The following TOP3A variants were observed in gnomAD, a reference collection of about 807,000 sequenced individuals.
The protein encoded by TOP3A is DNA topoisomerase 3-alpha.
A neutral mutation model predicts 111.3 loss-of-function variants in TOP3A; 64 were observed. That is an observed-to-expected ratio of 0.57 (90% CI 0.47 to 0.71). TOP3A has a LOEUF of 0.71. Among genes scored for constraint, TOP3A ranks in the 30% least tolerant of loss-of-function variants. The probability of loss-of-function intolerance (pLI) is 0.00; values close to 1 mark genes in which losing one functional copy is unlikely to be tolerated. For synonymous variants in TOP3A, 484 were observed against 485.1 expected (o/e 1.00, Z 0.03); for missense variants, 1,104 against 1,285.0 (o/e 0.86, Z 2.15).
chr17:18,314,975 T>G lies in TOP3A; in HGVS notation c.-197A>C. 5.2e-6 allele frequency: 1 copy of G among 193,336 alleles called. No individual in the cohort carries two copies. Among genetic ancestry groups the G allele is most frequent in the Non-Finnish European group, 1.1e-5 (1 of 93,258 alleles). 12.0% of individuals were successfully genotyped at this position (193,336 alleles called of 1,614,324 possible). ...GCCGCCGCCTCAGCACCGAATCCAG[T>G]ATCTTGGCGTGGAACTTCCGCCCGC... On this transcript the variant is annotated 5_prime_UTR_variant, in exon 1 of 19. Transcript: ENST00000321105.
chr17:18,310,419 C>T (rs1412903804), intron 1 of TOP3A, among the ~76,000 whole-genome samples: 1 of 151,966 alleles, frequency 6.6e-6, no homozygotes, highest in African/African-American at 2.4e-5. Flanking sequence ...GTGAGAGAGA[C>T]TCCTTCTCAA....
chr17:18,279,083 G>A (rs1979588357), intron 17 of TOP3A, among the ~76,000 whole-genome samples: 1 of 152,212 alleles, frequency 6.6e-6, no homozygotes, highest in African/African-American at 2.4e-5. Flanking sequence ...CAGGCTGACT[G>A]CAGAAGCAGA....
rs1301508954 is a variant in TOP3A, at chr17:18,288,149, A to ATAT, written c.1597+2407_1597+2408insATA. ...TTAATAATTATATATATATATATAT[A>ATAT]AATTTTTTTTTTTTTTTTTTTTAGA... On this transcript the variant is annotated intron_variant, in intron 13 of 18. Coordinates refer to ENST00000321105, the MANE Select transcript of TOP3A (RefSeq NM_004618.5). 2.9e-3 allele frequency among the ~76,000 whole-genome samples: 351 copies of ATAT among 121,876 alleles called. 1 individual carries two copies. The highest frequency in any genetic ancestry group is 8.5e-3 in the African/African-American group (251 of 29,656). 80.0% of individuals were successfully genotyped at this position (121,876 alleles called of 152,430 possible). A position where few individuals can be genotyped will look rare whatever the true frequency, so the allele number is the denominator to read the frequency against.
intron 4 of TOP3A, among the ~76,000 whole-genome samples, chr17:18,305,486 A>ACACGTGCGCG (rs1164323613): frequency 1.3e-5 from 2 of 149,414 alleles, no homozygotes; most frequent in African/African-American, 5.0e-5. Context: ...ACACACACAC[A>ACACGTGCGCG]CGCGCGCGCG....
chr17:18,292,855 A>G lies in TOP3A; in HGVS notation c.1074-3T>C. On this transcript the variant is annotated splice_polypyrimidine_tract_variant and splice_region_variant and intron_variant, in intron 10 of 18. Transcript: ENST00000321105. ...CTGTTCGGGGATAGCTGATGTACCT[A>G]AAACCAAGGCAAACAAACAGAAAAA... 1 of 1,604,980 alleles carries G rather than the reference A, an allele frequency of 6.2e-7. No individual in the cohort carries two copies. The highest frequency in any genetic ancestry group is 8.5e-7 in the Non-Finnish European group (1 of 1,174,854).
In TOP3A at chr17:18,294,729, C is replaced by T. The variant is rs373121668; in HGVS notation, c.1047G>A (p.Arg349=). The T allele has an allele frequency of 6.2e-7, 1 of 1,613,722 alleles. No individual in the cohort carries two copies. Among genetic ancestry groups the T allele is most frequent in the African/African-American group, 1.3e-5 (1 of 74,840 alleles). The change falls in exon 10 of 19, where the codon AGG becomes AGA. Residue 349 remains arginine (R), a synonymous_variant. Coordinates refer to ENST00000321105, the MANE Select transcript of TOP3A (RefSeq NM_004618.5). ...CTTGAGTGTAGAGCTTCTCAGCAAT[C>T]CTCATGGTTTCTTTAGCATTTATTC... is the stretch of plus-strand genomic sequence containing the variant. ...KLRINAKETM[R]IAEKLYTQGY...
In TOP3A at chr17:18,277,756, C is replaced by T; in HGVS notation, c.2746G>A (p.Gly916Arg). 6.2e-7 allele frequency: 1 copy of T among 1,614,196 alleles called. No individual in the cohort carries two copies. Among genetic ancestry groups the T allele is most frequent in the Non-Finnish European group, 8.5e-7 (1 of 1,180,028 alleles). The change falls in exon 18 of 19, where the codon GGG becomes AGG. Residue 916 changes from glycine to arginine, a missense_variant. By Grantham distance (125) the Gly-to-Arg change is moderately radical (BLOSUM62 -2). Coordinates refer to ENST00000321105, the MANE Select transcript of TOP3A (RefSeq NM_004618.5). ...TTGGCACATGTGTGGAACTGGCGCC[C>T]CTTGTTGGGTCCATCCTTCTGCACA... ...RTVQKDGPNK[G>R]RQFHTCAKPR...
chr17:18,277,185 C>CA (rs34363304), intron 18 of TOP3A, among the ~76,000 whole-genome samples: 5,562 of 96,378 alleles, frequency 0.058, 428 homozygotes, highest in African/African-American at 0.18. Flanking sequence ...ACTCAGTCTC[C>CA]AAAAAAAAAA....
chr17:18,307,786 T>C (rs1055464074), intron 3 of TOP3A, among the ~76,000 whole-genome samples: 2 of 151,238 alleles, frequency 1.3e-5, no homozygotes, highest in Admixed American at 6.6e-5. Context: ...GGCACATGGC[T>C]GTAAGGCCAG....
At chr17:18,286,722 A>G (rs1048935424) in intron 13 of TOP3A, among the ~76,000 whole-genome samples, 29 of 152,364 alleles carry the variant, frequency 1.9e-4, no homozygotes, top group African/African-American at 5.3e-4. Context: ...AGAGTTACCA[A>G]GTAAACCAGC....
At chr17:18,312,295 C>G (rs1981960404) in intron 1 of TOP3A, 1 of 152,478 alleles carries the variant, frequency 6.6e-6, no homozygotes, top group African/African-American at 2.4e-5. Flanking sequence ...AAGAGACCAC[C>G]TACACTTCGA....
Position 18,277,411 on chromosome 17 carries a change from T to G in TOP3A, c.2827+264A>C, listed in dbSNP as rs573431116. 5.3e-5 allele frequency among the ~76,000 whole-genome samples: 8 copies of G among 152,310 alleles called. No homozygotes were observed. The South Asian group carries it at 1.0e-3, about 20-fold the overall frequency. ...ATGCTTACCCAATGAGGATGGAAGA[T>G]GCACAGGAAGTATACTTAGCATAGT... is the stretch of plus-strand genomic sequence containing the variant. On this transcript the variant is annotated intron_variant, in intron 18 of 18. Transcript: ENST00000321105.
chr17:18,294,319 C>A (rs1980660078), intron 10 of TOP3A, among the ~76,000 whole-genome samples: 1 of 151,896 alleles, frequency 6.6e-6, no homozygotes, highest in Non-Finnish European at 1.5e-5. Flanking sequence ...ACTCTTATTT[C>A]TTTATTTCTT....
intron 2 of TOP3A, 173 bp downstream of exon 2, chr17:18,308,709 T>C (rs1225567775): frequency 4.1e-6 from 2 of 491,218 alleles, no homozygotes; most frequent in Admixed American, 7.7e-5. Context: ...TGGGACCATA[T>C]TTTATTAAAA....
At position 18,290,632 on chromosome 17, in the gene TOP3A, C is replaced by T. The variant is rs762812090; in HGVS notation, c.1522G>A (p.Val508Met). ...SHFQPSTVEM[V>M]DGETSPPKLL... The stretch of plus-strand genomic sequence containing the variant: ...TTGGGTGGGCTGGTCTCCCCGTCCA[C>T]CATCTCCACGGTGCTGGGCTGAAAG... Residue 508 changes from valine to methionine, a missense_variant, in exon 13 of 19, where the codon GTG becomes ATG. Val to Met is a conservative substitution (Grantham distance 21, BLOSUM62 1). Transcript: ENST00000321105. The T allele has an allele frequency of 1.7e-5, 27 of 1,611,494 alleles. No individual in the cohort carries two copies. The Admixed American group carries it at 4.0e-4, about 24-fold the overall frequency.
rs1253508817 is a variant in TOP3A, at chr17:18,314,725, G to A, written c.54C>T (p.Asp18=). The A allele has an allele frequency of 1.9e-6, 3 of 1,594,168 alleles. No homozygotes were observed. Among genetic ancestry groups the A allele is most frequent in the Middle Eastern group, 1.7e-4 (1 of 6,000 alleles). The change falls in exon 1 of 19, where the codon GAC becomes GAT. Residue 18 remains aspartate, a synonymous_variant. Coordinates refer to ENST00000321105, the MANE Select transcript of TOP3A (RefSeq NM_004618.5). ...YALRWLRRPE[D]RAFSRAAMEM... ...CCATGGCGGCGCGGGAAAAGGCACGGTCTTCGGGCCGTCGCAGCCACCGGA... is the reference window on the plus strand; with the variant it reads ...CCATGGCGGCGCGGGAAAAGGCACGATCTTCGGGCCGTCGCAGCCACCGGA...
chr17:18,302,487 C>T, intron 6 of TOP3A, 53 bp from the exon 7 acceptor site: 1 of 1,595,370 alleles, frequency 6.3e-7, no homozygotes, highest in Non-Finnish European at 8.6e-7. Flanking sequence ...AATGAGAGTC[C>T]AGGGCTGGCT....
In TOP3A at chr17:18,285,233, A is replaced by C. The variant is rs1980012819; in HGVS notation, c.1786T>G (p.Cys596Gly). The C allele has an allele frequency of 1.2e-6, 2 of 1,614,200 alleles. No individual in the cohort carries two copies. The highest frequency in any genetic ancestry group is 1.7e-6 in the Non-Finnish European group (2 of 1,180,040). ...ACAAATTTGTCCTTTTTGCCATCAC[A>C]GATCAGCTTCAGATCAGCTTCCAGT... ...AELEADLKLICDGKKDKFVVL... is the reference protein window; with the variant it reads ...AELEADLKLIGDGKKDKFVVL... Residue 596 changes from cysteine to glycine, a missense_variant, in exon 15 of 19, where the codon TGT becomes GGT. Cys to Gly is a radical substitution (Grantham distance 159). Transcript: ENST00000321105.
Position 18,277,760 on chromosome 17 carries a change from G to C in TOP3A, c.2742C>G (p.Asn914Lys). 6.2e-7 allele frequency: 1 copy of C among 1,614,230 alleles called. No individual in the cohort carries two copies. The highest frequency in any genetic ancestry group is 8.5e-7 in the Non-Finnish European group (1 of 1,180,046). The change falls in exon 18 of 19, where the codon AAC (asparagine) becomes AAG (lysine). Residue 914 changes from asparagine (N) to lysine (K), a missense_variant. By Grantham distance (94) the Asn-to-Lys change is moderately conservative. Transcript: ENST00000321105. Reference sequence around the variant, plus strand: ...CACATGTGTGGAACTGGCGCCCCTTGTTGGGTCCATCCTTCTGCACAGTCC... The same window carrying C: ...CACATGTGTGGAACTGGCGCCCCTTCTTGGGTCCATCCTTCTGCACAGTCC... The part of the protein sequence containing the change: ...VTRTVQKDGP[N>K]KGRQFHTCAK...
Sources: allele counts gnomAD v4.1 joint callset (sites outside exome capture counted in the v4.1 genomes callset), GRCh38; gene constraint gnomAD v4.1.1; transcripts MANE v1.5; gene names NCBI Gene and HGNC (gene_info 2026-07-23, HGNC 2026-07-21).